The following CACNB3 variants were observed in gnomAD, a reference collection of about 807,000 sequenced individuals.
CACNB3 encodes calcium voltage-gated channel auxiliary subunit beta 3.
A neutral mutation model predicts 63.7 loss-of-function variants in CACNB3; 36 were observed. The ratio of observed to expected loss-of-function variants is 0.57; its 90% CI spans 0.43 to 0.75. The LOEUF (loss-of-function observed/expected upper bound fraction) is 0.75. Among genes scored for constraint, CACNB3 ranks in the 30% least tolerant of loss-of-function variants. The pLI is 0.00. For missense variants in CACNB3, 493 were observed against 648.6 expected, an observed-to-expected ratio of 0.76 and a Z score of 2.61; for synonymous variants, 241 against 250.6, an observed-to-expected ratio of 0.96 and a Z score of 0.36.
upstream of CACNB3, chr12:48,816,735 C>G: frequency 2.1e-6 from 1 of 478,282 alleles, no homozygotes; most frequent in South Asian, 9.1e-5. Flanking sequence ...GGAAGGAGTG[C>G]TGCCGATGGC....
rs531076421 is a variant in CACNB3, at chr12:48,827,873, C to T, written c.1429C>T (p.Arg477Trp). 46 of 1,613,872 alleles carry T rather than the reference C, an allele frequency of 2.9e-5. No homozygotes were observed. The highest frequency in any genetic ancestry group is 1.6e-4 in the Middle Eastern group (1 of 6,062). ...CAGTGACCGGAACTGGCAGCGCAAC[C>T]GGCCTTGGCCCAAGGATAGCTACTG... ...NHSDRNWQRN[R>W]PWPKDSY The change falls in exon 13 of 13, where the codon CGG becomes TGG. Residue 477 changes from arginine (R) to tryptophan (W), a missense_variant. Arg to Trp is a moderately radical substitution (Grantham distance 101, BLOSUM62 -3). Coordinates refer to ENST00000301050, the MANE Select transcript of CACNB3 (RefSeq NM_000725.4).
Position 48,818,895 on chromosome 12 carries a change from C to T in CACNB3, c.-35C>T. The T allele has an allele frequency of 6.5e-7, 1 of 1,549,952 alleles. No homozygotes were observed. The highest frequency in any genetic ancestry group is 8.7e-7 in the Non-Finnish European group (1 of 1,147,642). On this transcript the variant is annotated 5_prime_UTR_variant, in exon 1 of 13. Coordinates refer to ENST00000301050, the MANE Select transcript of CACNB3 (RefSeq NM_000725.4). The surrounding 1 kb of genome is among the most constrained non-coding windows in gnomAD (Gnocchi z 4.3). ...CCCTGCCTCCGGGCCGCTCCCGCCCCCGGCGCCGCTCGCTCCCCCGACCCG... is the reference window on the plus strand; with the variant it reads ...CCCTGCCTCCGGGCCGCTCCCGCCCTCGGCGCCGCTCGCTCCCCCGACCCG...
Position 48,826,940 on chromosome 12 carries a change from GAAA to G in CACNB3, c.991-33_991-31del. On this transcript the variant is annotated intron_variant, in intron 11 of 12. Transcript: ENST00000301050. The surrounding 1 kb of genome is among the most constrained non-coding windows in gnomAD (Gnocchi z 4.8). ...ATGGGTGGGGGGCTGCTACTGAGGG[GAAA>G]CCAACGTTGCGCCTTCCTCCCCCTC... The G allele has an allele frequency of 6.2e-7, 1 of 1,613,570 alleles. No homozygotes were observed. Among genetic ancestry groups the G allele is most frequent in the Non-Finnish European group, 8.5e-7 (1 of 1,179,710 alleles).
At position 48,818,551 on chromosome 12, in the gene CACNB3, T is replaced by A; in HGVS notation, c.-379T>A. ...GGTGCTCGGGGACCCACCTTCCACC[T>A]AGCACGGGTTCGTTCCCCTCTCCCG... On this transcript the variant is annotated 5_prime_UTR_variant, in exon 1 of 13. Transcript: ENST00000301050. The surrounding 1 kb of genome is among the most constrained non-coding windows in gnomAD (Gnocchi z 4.3). 1 of 1,045,560 alleles carries A rather than the reference T, an allele frequency of 9.6e-7. No homozygotes were observed. Among genetic ancestry groups the A allele is most frequent in the Non-Finnish European group, 1.1e-6 (1 of 869,742 alleles). The allele number at this position is 1,045,560 out of a possible 1,614,324, so 64.8% of individuals were successfully genotyped here.
At chr12:48,816,051 C>A (rs2137432220), upstream of CACNB3, among the ~76,000 whole-genome samples, 1 of 152,290 alleles carries the variant, frequency 6.6e-6, no homozygotes, top group South Asian at 2.1e-4. Context: ...GGCAGCCTAG[C>A]AGCCAGAATG....
intron 1 of CACNB3, 45 bp downstream of exon 1, chr12:48,819,019 ACCT>A: frequency 1.3e-6 from 2 of 1,577,186 alleles, no homozygotes; most frequent in Non-Finnish European, 1.7e-6. Context: ...TTGGGGTGAC[ACCT>A]CCTCTCCCTT....
In CACNB3 at chr12:48,825,217, G is replaced by T. The variant is rs769051289; in HGVS notation, c.547G>T (p.Val183Leu). The part of the protein sequence containing the change: ...VVPSMRPVVL[V>L]GPSLKGYEVT... Reference sequence around the variant, plus strand: ...GCCCTCCATGCGGCCTGTGGTGCTGGTGGGACCCTCTCTGAAAGGTTATGA... The same window carrying T: ...GCCCTCCATGCGGCCTGTGGTGCTGTTGGGACCCTCTCTGAAAGGTTATGA... The change falls in exon 7 of 13, where the codon GTG becomes TTG. Residue 183 changes from valine (V) to leucine (L), a missense_variant. Physicochemically the swap from Val to Leu is conservative, Grantham distance 32. Coordinates refer to ENST00000301050, the MANE Select transcript of CACNB3 (RefSeq NM_000725.4). The surrounding 1 kb of genome is among the most constrained non-coding windows in gnomAD (Gnocchi z 4.5). The T allele has an allele frequency of 1.9e-5, 31 of 1,614,118 alleles. No homozygotes were observed. The highest frequency in any genetic ancestry group is 2.6e-5 in the Non-Finnish European group (31 of 1,180,016).
chr12:48,818,645 G>C lies in CACNB3; in HGVS notation c.-285G>C. 1 of 1,161,478 alleles carries C rather than the reference G, an allele frequency of 8.6e-7. No homozygotes were observed. The highest frequency in any genetic ancestry group is 1.1e-6 in the Non-Finnish European group (1 of 943,420). 71.9% of individuals were successfully genotyped at this position (1,161,478 alleles called of 1,614,324 possible). On this transcript the variant is annotated 5_prime_UTR_variant, in exon 1 of 13. Transcript: ENST00000301050. The surrounding 1 kb of genome is among the most constrained non-coding windows in gnomAD (Gnocchi z 4.3). Reference sequence around the variant, plus strand: ...CCGCCTTCTCCCGGGGAGGGGGTCAGGTGGGCGGGCACTATTGTTGTAGGA... The same window carrying C: ...CCGCCTTCTCCCGGGGAGGGGGTCACGTGGGCGGGCACTATTGTTGTAGGA...
rs200363778 is a variant in CACNB3 at position 48,823,432 on chromosome 12, A to G, written c.134A>G (p.Glu45Gly). Residue 45 changes from glutamate (E) to glycine (G), a missense_variant, in exon 2 of 13, where the codon GAG (glutamate) becomes GGG (glycine). Transcript: ENST00000301050. This position sits in a 1 kb window ranked among gnomAD's most constrained non-coding sequence, Gnocchi z 4.2. ...EDRESARREVESQAQQQLERA... is the reference protein window; with the variant it reads ...EDRESARREVGSQAQQQLERA... ...CGGGAGAGTGCCCGGCGTGAAGTAG[A>G]GAGCCAGGCTCAGCAGCAGCTCGAA... The G allele has an allele frequency of 3.5e-5, 56 of 1,614,032 alleles. No homozygotes were observed. The highest frequency in any genetic ancestry group is 8.3e-5 in the Admixed American group (5 of 60,002).
Position 48,827,597 on chromosome 12 carries a change from C to T in CACNB3, c.1153C>T (p.Leu385=). ...GTATGGCCCCCAGAACCAGCAGCTG[C>T]TGGGGGAGCGTGGCGAGGAGCACTC... is the stretch of plus-strand genomic sequence containing the variant. The part of the protein sequence containing the change: ...AIPGLQNQQL[L]GERGEEHSPL... Residue 385 remains leucine, a synonymous_variant, in exon 13 of 13, where the codon CTG becomes TTG. Transcript: ENST00000301050. 6.2e-7 allele frequency: 1 copy of T among 1,612,568 alleles called. No individual in the cohort carries two copies. The highest frequency in any genetic ancestry group is 8.5e-7 in the Non-Finnish European group (1 of 1,179,322).
chr12:48,822,161 T>A (rs1243629052), intron 1 of CACNB3, among the ~76,000 whole-genome samples: 1 of 152,182 alleles, frequency 6.6e-6, no homozygotes. Flanking sequence ...TATCTAGGCT[T>A]ATCCCTTCTC....
In CACNB3 at chr12:48,818,723, G is replaced by A; in HGVS notation, c.-207G>A. ...CGGGGTGGGACCGGCTGGGTTTGGG[G>A]GGGTGGGGTGGGGGGAGCGGTGATC... On this transcript the variant is annotated 5_prime_UTR_variant, in exon 1 of 13. Coordinates refer to ENST00000301050, the MANE Select transcript of CACNB3 (RefSeq NM_000725.4). The surrounding 1 kb of genome is among the most constrained non-coding windows in gnomAD (Gnocchi z 4.3). 2.3e-6 allele frequency: 3 copies of A among 1,288,184 alleles called. No homozygotes were observed. The highest frequency in any genetic ancestry group is 3.0e-4 in the Middle Eastern group (1 of 3,320). The allele number at this position is 1,288,184 out of a possible 1,614,324, so 79.8% of individuals were successfully genotyped here. A position where few individuals can be genotyped will look rare whatever the true frequency, so the allele number is the denominator to read the frequency against.
At chr12:48,824,602 T>C (rs1382309055) in intron 4 of CACNB3, 67 bp from the exon 5 acceptor site, 2 of 1,398,466 alleles carry the variant, frequency 1.4e-6, no homozygotes, top group Middle Eastern at 1.8e-4. Flanking sequence ...TATTAAATAA[T>C]GCATAGAACA....
upstream of CACNB3, among the ~76,000 whole-genome samples, chr12:48,818,194 T>A (rs1458633815): frequency 6.6e-6 from 1 of 152,070 alleles, no homozygotes. The surrounding 1 kb of genome is among the most constrained non-coding windows in gnomAD (Gnocchi z 4.3). Context: ...TGCTGTCGCC[T>A]GGGACCCCTC....
rs929001249 is a variant in CACNB3 at position 48,826,071 on chromosome 12, G to A, written c.743-296G>A. Among the ~76,000 whole-genome samples, 3 of 151,920 alleles carry A rather than the reference G, an allele frequency of 2.0e-5. No homozygotes were observed. Among genetic ancestry groups the A allele is most frequent in the Non-Finnish European group, 2.9e-5 (2 of 67,962 alleles). Reference sequence around the variant, plus strand: ...CTCGAACTCCTGACCTCAAGTGATCGGCCCACCTTGGCCTCTCAAAATGCT... The same window carrying A: ...CTCGAACTCCTGACCTCAAGTGATCAGCCCACCTTGGCCTCTCAAAATGCT... On this transcript the variant is annotated intron_variant, in intron 9 of 12. Coordinates refer to ENST00000301050, the MANE Select transcript of CACNB3 (RefSeq NM_000725.4). This position sits in a 1 kb window ranked among gnomAD's most constrained non-coding sequence, Gnocchi z 4.8.
chr12:48,824,112 T>G, intron 3 of CACNB3, 146 bp from the exon 4 acceptor site: 1 of 750,290 alleles, frequency 1.3e-6, no homozygotes. Flanking sequence ...GGCTGTCCTT[T>G]CCCCTGGCCC....
At position 48,826,847 on chromosome 12, in the gene CACNB3, G is replaced by C. The variant is rs1417713602; in HGVS notation, c.983G>C (p.Cys328Ser). 4 of 1,613,912 alleles carry C rather than the reference G, an allele frequency of 2.5e-6. No individual in the cohort carries two copies. Among genetic ancestry groups the C allele is most frequent in the Non-Finnish European group, 3.4e-6 (4 of 1,179,802 alleles). The stretch of plus-strand genomic sequence containing the variant: ...ATGGCATATGATAAGCTGGTTCAGT[G>C]CCCACCGGTGAGTGCCTGGGTCAGC... The part of the protein sequence containing the change: ...QMMAYDKLVQ[C>S]PPESFDVILD... Residue 328 changes from cysteine (C) to serine (S), a missense_variant, in exon 11 of 13, where the codon TGC becomes TCC. Physicochemically the swap from Cys to Ser is moderately radical, Grantham distance 112. Transcript: ENST00000301050. This position sits in a 1 kb window ranked among gnomAD's most constrained non-coding sequence, Gnocchi z 4.8.
At position 48,823,712 on chromosome 12, in the gene CACNB3, A is replaced by G. The variant is rs751306110; in HGVS notation, c.200A>G (p.Asn67Ser). The part of the protein sequence containing the change: ...HKPVAFAVRT[N>S]VSYCGVLDEE... Reference sequence around the variant, plus strand: ...CCTGTGGCATTTGCGGTGAGGACCAATGTCAGCTACTGTGGCGTACTGGAT... The same window carrying G: ...CCTGTGGCATTTGCGGTGAGGACCAGTGTCAGCTACTGTGGCGTACTGGAT... Residue 67 changes from asparagine (N) to serine (S), a missense_variant, in exon 3 of 13, where the codon AAT becomes AGT. Physicochemically the swap from Asn to Ser is conservative, Grantham distance 46 (BLOSUM62 1). Coordinates refer to ENST00000301050, the MANE Select transcript of CACNB3 (RefSeq NM_000725.4). This position sits in a 1 kb window ranked among gnomAD's most constrained non-coding sequence, Gnocchi z 4.2. 10 of 1,614,024 alleles carry G rather than the reference A, an allele frequency of 6.2e-6. No homozygotes were observed. Among genetic ancestry groups the G allele is most frequent in the Admixed American group, 3.3e-5 (2 of 60,008 alleles).
upstream of CACNB3, chr12:48,815,306 T>G: frequency 3.3e-6 from 1 of 306,210 alleles, no homozygotes; most frequent in Non-Finnish European, 6.4e-6. Flanking sequence ...TCGGGAGGAC[T>G]TTAGGGAAGA....
Sources: gnomAD v4.1 joint callset for allele counts (sites outside exome capture counted in the v4.1 genomes callset) on GRCh38, gnomAD v4.1.1 for gene constraint, Gnocchi (gnomAD v3.1) non-coding constraint, MANE v1.5 for transcripts, NCBI Gene and HGNC (gene_info 2026-07-23, HGNC 2026-07-21) for gene names.